SBF2: variants seen among roughly 807,000 people sequenced by gnomAD.
SBF2 encodes the protein SET binding factor 2.
A neutral mutation model predicts 225.2 loss-of-function variants in SBF2; 112 were observed. That is an observed-to-expected ratio of 0.50 (90% CI 0.43 to 0.58). The LOEUF (loss-of-function observed/expected upper bound fraction) is 0.58. Among genes scored for constraint, SBF2 ranks in the 20% least tolerant of loss-of-function variants. The pLI, the probability that SBF2 is intolerant of heterozygous loss-of-function variation, is 0.00. For missense variants in SBF2, 1,996 were observed against 2,206.2 expected, an observed-to-expected ratio of 0.90 and a Z score of 1.91; for synonymous variants, 763 against 773.3, an observed-to-expected ratio of 0.99 and a Z score of 0.22.
At chr11:9,879,810 T>A (rs1358346073) in intron 17 of SBF2, among the ~76,000 whole-genome samples, 1 of 152,000 alleles carries the variant, frequency 6.6e-6, no homozygotes, top group Non-Finnish European at 1.5e-5. Flanking sequence ...GAGGCCAGGC[T>A]TGGTGGTTAG....
intron 1 of SBF2, among the ~76,000 whole-genome samples, chr11:10,293,414 C>A (rs978702507): frequency 6.6e-6 from 1 of 152,300 alleles, no homozygotes; most frequent in Non-Finnish European, 1.5e-5. Flanking sequence ...GTGAAGTGAC[C>A]GTCACATTTG....
At chr11:9,830,632 C>T (rs1451205017) in intron 27 of SBF2, among the ~76,000 whole-genome samples, 5 of 150,728 alleles carry the variant, frequency 3.3e-5, no homozygotes, top group African/African-American at 4.9e-5. Context: ...CCCAGCTACT[C>T]GGGAGGCTGA....
Position 9,914,192 on chromosome 11 carries a change from A to G in SBF2, c.1861-18181T>C, listed in dbSNP as rs958148699. The stretch of plus-strand genomic sequence containing the variant: ...CTGTGATTAATATGCTAGGGGCTCC[A>G]CTGGATAAAGTAGACAGCACACAAG... On this transcript the variant is annotated intron_variant, in intron 16 of 39. Coordinates refer to ENST00000256190, the MANE Select transcript of SBF2 (RefSeq NM_030962.4). 5.3e-5 allele frequency among the ~76,000 whole-genome samples: 8 copies of G among 152,360 alleles called. No individual in the cohort carries two copies. In the South Asian group the frequency reaches 1.7e-3, roughly 32 times the overall value.
intron 13 of SBF2, among the ~76,000 whole-genome samples, chr11:9,982,083 G>A (rs925072659): frequency 1.3e-5 from 2 of 152,032 alleles, no homozygotes; most frequent in African/African-American, 2.4e-5. Flanking sequence ...TATCACATCC[G>A]AGTCCTTTTA....
chr11:10,048,272 T>C (rs1949941933), intron 2 of SBF2, among the ~76,000 whole-genome samples: 1 of 152,192 alleles, frequency 6.6e-6, no homozygotes, highest in African/African-American at 2.4e-5. Context: ...GGCTTATTTG[T>C]GACTGCAATA....
upstream of SBF2, among the ~76,000 whole-genome samples, chr11:10,295,767 T>A (rs1189665620): frequency 6.6e-6 from 1 of 152,082 alleles, no homozygotes; most frequent in Non-Finnish European, 1.5e-5. Context: ...TTCAGAGTTG[T>A]CTTACTGTAA....
At chr11:10,128,892 GCTT>G in intron 2 of SBF2, among the ~76,000 whole-genome samples, 2 of 152,048 alleles carry the variant, frequency 1.3e-5, no homozygotes, top group South Asian at 4.2e-4. Context: ...TTATTTTCCC[GCTT>G]CTTTTCTTAC....
intron 6 of SBF2, among the ~76,000 whole-genome samples, chr11:10,009,008 T>C (rs545290806): frequency 2.0e-5 from 3 of 152,308 alleles, no homozygotes; most frequent in South Asian, 4.1e-4. Context: ...GGAACTGTCT[T>C]TTCTCACTCA....
chr11:9,976,455 G>A (rs1347676130), intron 13 of SBF2, among the ~76,000 whole-genome samples: 2 of 152,094 alleles, frequency 1.3e-5, no homozygotes, highest in Non-Finnish European at 2.9e-5. Context: ...GACAAAGCCA[G>A]GTATGGTGGT....
Position 9,963,760 on chromosome 11 carries a change from C to T in SBF2, c.1710+13G>A, listed in dbSNP as rs1290111153. Reference sequence around the variant, plus strand: ...TGATAAATGCTTACTTGGGAAAGATCACATTTTATTACCTTTTCAGTTTCC... The same window carrying T: ...TGATAAATGCTTACTTGGGAAAGATTACATTTTATTACCTTTTCAGTTTCC... On this transcript the variant is annotated intron_variant, in intron 15 of 39. Transcript: ENST00000256190. 2 of 1,242,482 alleles carry T rather than the reference C, an allele frequency of 1.6e-6. No individual in the cohort carries two copies. Among genetic ancestry groups the T allele is most frequent in the Non-Finnish European group, 2.3e-6 (2 of 852,028 alleles). The allele number at this position is 1,242,482 out of a possible 1,614,324, so 77.0% of individuals were successfully genotyped here. A position where few individuals can be genotyped will look rare whatever the true frequency, so the allele number is the denominator to read the frequency against.
At chr11:10,032,797 A>C (rs369625246) in intron 3 of SBF2, among the ~76,000 whole-genome samples, 3 of 152,250 alleles carry the variant, frequency 2.0e-5, no homozygotes, top group African/African-American at 7.2e-5. Context: ...GGCTAGGCCC[A>C]TAGCTGATAC....
chr11:10,211,306 TTTA>T (rs1356024599), intron 1 of SBF2, among the ~76,000 whole-genome samples: 2 of 152,158 alleles, frequency 1.3e-5, no homozygotes, highest in Non-Finnish European at 2.9e-5. Context: ...AATGGCAGTT[TTTA>T]TAGATTGTTG....
At position 10,143,842 on chromosome 11, in the gene SBF2, C is replaced by T. The variant is rs553221149; in HGVS notation, c.141+50060G>A. 2.6e-5 allele frequency among the ~76,000 whole-genome samples: 4 copies of T among 152,214 alleles called. No homozygotes were observed. In the East Asian group the frequency reaches 7.7e-4, roughly 29 times the overall value. On this transcript the variant is annotated intron_variant, in intron 2 of 39. Transcript: ENST00000256190. ...ACGCCATTCTCCTGCCTCAGCCTCC[C>T]GAGTAGCTGGGACTACAGGCACTCG...
Position 9,829,359 on chromosome 11 carries a change from G to C in SBF2, c.3790C>G (p.Pro1264Ala). ...LTVRPAFALS[P>A]GVWASLRSST... ...GAAAAGTATTATCAAATCTTACCTGGAGATAGAGCAAAGGCTGGCCTGACA... is the reference window on the plus strand; with the variant it reads ...GAAAAGTATTATCAAATCTTACCTGCAGATAGAGCAAAGGCTGGCCTGACA... Residue 1264 changes from proline (P) to alanine (A), a missense_variant, in exon 28 of 40, where the codon CCA becomes GCA. Transcript: ENST00000256190. The C allele has an allele frequency of 6.2e-7, 1 of 1,614,130 alleles. No individual in the cohort carries two copies. The highest frequency in any genetic ancestry group is 8.5e-7 in the Non-Finnish European group (1 of 1,179,998).
intron 2 of SBF2, among the ~76,000 whole-genome samples, chr11:10,048,908 G>A (rs1387093620): frequency 6.6e-6 from 1 of 152,098 alleles, no homozygotes; most frequent in Non-Finnish European, 1.5e-5. Context: ...CATAAGAAAA[G>A]TTCACAGATG....
At chr11:10,140,569 T>C (rs1362375535) in intron 2 of SBF2, among the ~76,000 whole-genome samples, 1 of 152,220 alleles carries the variant, frequency 6.6e-6, no homozygotes, top group African/African-American at 2.4e-5. Flanking sequence ...ATTCCTGAGT[T>C]GTATTCTATA....
intron 3 of SBF2, among the ~76,000 whole-genome samples, chr11:10,040,748 G>A: frequency 6.6e-6 from 1 of 151,714 alleles, no homozygotes; most frequent in East Asian, 1.9e-4. Context: ...GTATGGGGGA[G>A]ATGGGGAGAG....
intron 16 of SBF2, among the ~76,000 whole-genome samples, chr11:9,919,777 T>C (rs1391103722): frequency 6.6e-6 from 1 of 152,044 alleles, no homozygotes; most frequent in African/African-American, 2.4e-5. Flanking sequence ...CATAAGACAA[T>C]ATGAGGGGTG....
chr11:10,048,718 TATC>T (rs1038916731), intron 2 of SBF2, among the ~76,000 whole-genome samples: 4 of 152,214 alleles, frequency 2.6e-5, no homozygotes, highest in African/African-American at 9.6e-5. Context: ...TGACAAATAT[TATC>T]ATACTATTAG....
Sources: gnomAD v4.1 joint callset for allele counts (sites outside exome capture counted in the v4.1 genomes callset) on GRCh38, gnomAD v4.1.1 for gene constraint, MANE v1.5 for transcripts, NCBI Gene and HGNC (gene_info 2026-07-23, HGNC 2026-07-21) for gene names.